The following GRID2 variants were observed in gnomAD, a reference collection of about 807,000 sequenced individuals.
GRID2 encodes glutamate ionotropic receptor delta type subunit 2, also known as glutamate receptor ionotropic, delta-2.
Under a neutral mutation model 114.8 loss-of-function variants are expected in GRID2, and 33 were observed. The observed-to-expected ratio is 0.29, with a 90% confidence interval of 0.22 to 0.38. The LOEUF is 0.38. GRID2 is among the 10% of genes least tolerant of loss of function. GRID2 has a pLI of 1.00. For missense variants in GRID2, 1,184 were observed against 1,257.7 expected, an observed-to-expected ratio of 0.94 and a Z score of 0.89; for synonymous variants, 505 against 449.9, an observed-to-expected ratio of 1.12 and a Z score of -1.55.
intron 1 of GRID2, among the ~76,000 whole-genome samples, chr4:92,514,652 C>T (rs1200200438): frequency 6.6e-6 from 1 of 151,850 alleles, no homozygotes; most frequent in South Asian, 2.1e-4. Context: ...TGAAGAATTA[C>T]ACTTCTATAG....
Position 93,276,761 on chromosome 4 carries a change from CT to C in GRID2, c.1245+38273del, listed in dbSNP as rs369344865. 1.6e-4 allele frequency among the ~76,000 whole-genome samples: 24 copies of C among 151,910 alleles called. No homozygotes were observed. In the East Asian group the frequency reaches 3.1e-3, roughly 20 times the overall value. On this transcript the variant is annotated intron_variant, in intron 8 of 15. Coordinates refer to ENST00000282020, the MANE Select transcript of GRID2 (RefSeq NM_001510.4). ...ATATAACTGATTTTTGTACATTGAA[CT>C]TGTGTCCTAAAACCTGTGTGAAGCA...
intron 14 of GRID2, among the ~76,000 whole-genome samples, chr4:93,705,297 TTTG>T (rs886182984): frequency 1.3e-5 from 2 of 152,108 alleles, no homozygotes; most frequent in African/African-American, 2.4e-5. Flanking sequence ...TAGTTTTTGT[TTTG>T]TTGTTGTTGT....
chr4:93,093,831 C>T (rs1179416131), intron 3 of GRID2, among the ~76,000 whole-genome samples: 1 of 151,784 alleles, frequency 6.6e-6, no homozygotes, highest in East Asian at 1.9e-4. Flanking sequence ...CAGCTAATGC[C>T]AGGGAAAAGG....
intron 1 of GRID2, among the ~76,000 whole-genome samples, chr4:92,354,156 C>T (rs1201028097): frequency 1.3e-5 from 2 of 151,982 alleles, no homozygotes; most frequent in Non-Finnish European, 2.9e-5. Context: ...GACCAGCGTT[C>T]CTCACTGGGA....
intron 9 of GRID2, among the ~76,000 whole-genome samples, chr4:93,412,379 A>G (rs776765818): frequency 6.6e-6 from 1 of 152,088 alleles, no homozygotes; most frequent in African/African-American, 2.4e-5. Flanking sequence ...GGGCAAGATA[A>G]CAAGACCCCA....
intron 2 of GRID2, among the ~76,000 whole-genome samples, chr4:92,651,495 C>G (rs545513931): frequency 6.6e-6 from 1 of 152,092 alleles, no homozygotes; most frequent in South Asian, 2.1e-4. Context: ...TATAATAGGT[C>G]ATACTATCCA....
intron 14 of GRID2, among the ~76,000 whole-genome samples, chr4:93,717,849 A>G (rs570626566): frequency 9.8e-5 from 15 of 152,316 alleles, no homozygotes; most frequent in East Asian, 9.7e-4. Context: ...CCATAATTCA[A>G]TGAGAACATT....
intron 2 of GRID2, among the ~76,000 whole-genome samples, chr4:92,934,648 C>G (rs1398419301): frequency 6.8e-6 from 1 of 146,456 alleles, no homozygotes; most frequent in African/African-American, 2.4e-5. Context: ...TACTACAAGG[C>G]TACAGTAACC....
chr4:92,625,324 G>A (rs1018812542), intron 2 of GRID2, among the ~76,000 whole-genome samples: 2 of 151,744 alleles, frequency 1.3e-5, no homozygotes, highest in African/African-American at 4.8e-5. Flanking sequence ...AGAGCTAGAA[G>A]ATCCTCAGAG....
intron 5 of GRID2, among the ~76,000 whole-genome samples, chr4:93,216,405 G>A (rs1310765688): frequency 6.6e-6 from 1 of 151,928 alleles, no homozygotes; most frequent in Non-Finnish European, 1.5e-5. Context: ...AACTTACTTT[G>A]TGACCTTTTT....
chr4:92,746,157 A>T (rs550732152), intron 2 of GRID2, among the ~76,000 whole-genome samples: 20 of 152,240 alleles, frequency 1.3e-4, no homozygotes, highest in African/African-American at 4.8e-4. Context: ...TTCCTAAAAT[A>T]TCATCACCTT....
intron 1 of GRID2, among the ~76,000 whole-genome samples, chr4:92,450,376 C>A (rs1454180710): frequency 2.0e-5 from 3 of 151,948 alleles, no homozygotes; most frequent in Non-Finnish European, 4.4e-5. Context: ...AAGTAGAAAT[C>A]AAATGATAAG....
chr4:92,838,567 CTG>C (rs1742641809), intron 2 of GRID2, among the ~76,000 whole-genome samples: 1 of 152,088 alleles, frequency 6.6e-6, no homozygotes, highest in South Asian at 2.1e-4. Context: ...TGTTTTACCT[CTG>C]TGTCTGCTAT....
chr4:93,185,434 T>C (rs988775941), intron 4 of GRID2, among the ~76,000 whole-genome samples: 4 of 152,198 alleles, frequency 2.6e-5, no homozygotes, highest in African/African-American at 9.7e-5. Context: ...ACAGTTTTAA[T>C]TGACTACAGA....
chr4:93,027,250 G>C (rs1186423080), intron 2 of GRID2, among the ~76,000 whole-genome samples: 1 of 152,010 alleles, frequency 6.6e-6, no homozygotes, highest in South Asian at 2.1e-4. Context: ...AATTTTTAGG[G>C]TCAATATGCC....
chr4:93,505,585 A>G, intron 12 of GRID2, among the ~76,000 whole-genome samples: 1 of 149,066 alleles, frequency 6.7e-6, no homozygotes, highest in South Asian at 2.1e-4. Flanking sequence ...TTTGCTTAAT[A>G]ATTTATATAT....
At chr4:93,290,872 CT>C (rs56735687) in intron 8 of GRID2, among the ~76,000 whole-genome samples, 4,177 of 88,318 alleles carry the variant, frequency 0.047, 143 homozygotes, top group African/African-American at 0.18. Flanking sequence ...ATACAAGTTA[CT>C]TTTTTTTTTT....
At chr4:93,041,832 A>T (rs1438350675) in intron 2 of GRID2, among the ~76,000 whole-genome samples, 1 of 152,160 alleles carries the variant, frequency 6.6e-6, no homozygotes, top group Admixed American at 6.6e-5. Flanking sequence ...TGGTTGGTGC[A>T]AAAGTAACTG....
chr4:93,291,123 C>T (rs1162431353), intron 8 of GRID2, among the ~76,000 whole-genome samples: 3 of 150,970 alleles, frequency 2.0e-5, no homozygotes, highest in African/African-American at 7.3e-5. Flanking sequence ...TTGATCCGCC[C>T]ACCAGATCCA....
Sources: allele counts gnomAD v4.1 joint callset (sites outside exome capture counted in the v4.1 genomes callset), GRCh38; gene constraint gnomAD v4.1.1; transcripts MANE v1.5; gene names NCBI Gene and HGNC (gene_info 2026-07-23, HGNC 2026-07-21).